The following GLIS3 variants were observed in gnomAD, a reference collection of about 807,000 sequenced individuals.
GLIS3 encodes the protein GLIS family zinc finger 3.
Under a neutral mutation model 78.6 loss-of-function variants are expected in GLIS3, and 53 were observed. The ratio of observed to expected loss-of-function variants is 0.67; its 90% confidence interval spans 0.54 to 0.85. The LOEUF (loss-of-function observed/expected upper bound fraction) is 0.85, where lower values mean the gene tolerates loss of function less well. Ranked by LOEUF, GLIS3 falls within the 40% of genes least tolerant of loss-of-function variation. GLIS3 has a pLI of 0.00. For missense variants in GLIS3, 1,703 were observed against 1,231.1 expected (o/e 1.38, Z -5.74); for synonymous variants, 684 against 509.9 (o/e 1.34, Z -4.60).
intron 6 of GLIS3, among the ~76,000 whole-genome samples, chr9:3,921,644 A>G (rs1417471469): frequency 6.6e-6 from 1 of 152,172 alleles, no homozygotes. Context: ...AAATATATCT[A>G]TAGTAAATTT....
intron 2 of GLIS3, among the ~76,000 whole-genome samples, chr9:4,336,838 G>C (rs1349086648): frequency 6.6e-6 from 1 of 152,122 alleles, no homozygotes; most frequent in Non-Finnish European, 1.5e-5. Context: ...CTGCTAAAAA[G>C]ATCTATGAAA....
intron 4 of GLIS3, among the ~76,000 whole-genome samples, chr9:3,987,784 A>AAAAAAAAAC (rs1554665966): frequency 4.3e-5 from 3 of 69,546 alleles, no homozygotes; most frequent in Admixed American, 1.9e-4. Context: ...AAAAAAAAAA[A>AAAAAAAAAC]AAAACAAAAC....
the GLIS3 span, among the ~76,000 whole-genome samples, chr9:4,487,687 A>G: frequency 7.6e-6 from 1 of 130,930 alleles, no homozygotes; most frequent in Non-Finnish European, 1.7e-5. Flanking sequence ...TATGGTCAAC[A>G]CTTTTTTTTT....
At chr9:4,315,158 T>C (rs1343758434) in intron 2 of GLIS3, among the ~76,000 whole-genome samples, 1 of 152,214 alleles carries the variant, frequency 6.6e-6, no homozygotes, top group Non-Finnish European at 1.5e-5. Context: ...TCTCAGTTAA[T>C]TTGGGAAGTG....
At chr9:4,330,864 T>G (rs1202939317) in intron 2 of GLIS3, among the ~76,000 whole-genome samples, 1 of 152,172 alleles carries the variant, frequency 6.6e-6, no homozygotes, top group Non-Finnish European at 1.5e-5. Flanking sequence ...AGGAGTGGGT[T>G]AAGCTGATTC....
intron 2 of GLIS3, among the ~76,000 whole-genome samples, chr9:4,185,429 CTT>C (rs1817698920): frequency 1.3e-5 from 2 of 152,076 alleles, no homozygotes; most frequent in Admixed American, 1.3e-4. Context: ...ACATGCATGT[CTT>C]TGTGTTGACG....
the GLIS3 span, among the ~76,000 whole-genome samples, chr9:4,392,600 G>C: frequency 1.3e-5 from 2 of 151,960 alleles, no homozygotes; most frequent in Non-Finnish European, 2.9e-5. Context: ...TTTTTCTTTT[G>C]TATCTGGTCC....
the GLIS3 span, among the ~76,000 whole-genome samples, chr9:4,415,012 T>C: frequency 2.0e-5 from 3 of 152,246 alleles, no homozygotes; most frequent in East Asian, 1.9e-4. Flanking sequence ...TTCTTTTTTT[T>C]CCTATTCCAA....
At chr9:4,112,451 G>T (rs1011997335) in intron 4 of GLIS3, among the ~76,000 whole-genome samples, 17 of 152,270 alleles carry the variant, frequency 1.1e-4, no homozygotes, top group Admixed American at 1.1e-3. Flanking sequence ...TAGCACTAAT[G>T]TTAGAACTGG....
chr9:4,484,310 T>G, the GLIS3 span, among the ~76,000 whole-genome samples: 1 of 148,854 alleles, frequency 6.7e-6, no homozygotes, highest in Admixed American at 6.7e-5. Flanking sequence ...TGGTCAAGAC[T>G]CACTGCAACC....
At chr9:4,191,272 C>G (rs1308711685) in intron 2 of GLIS3, among the ~76,000 whole-genome samples, 1 of 152,144 alleles carries the variant, frequency 6.6e-6, no homozygotes, top group African/African-American at 2.4e-5. Flanking sequence ...CATCAGTGTG[C>G]TGTATTTAGG....
chr9:4,456,637 T>A, the GLIS3 span, among the ~76,000 whole-genome samples: 2 of 152,222 alleles, frequency 1.3e-5, no homozygotes, highest in Admixed American at 1.3e-4. Flanking sequence ...CATGCCTTCC[T>A]CACTAGGATT....
intron 3 of GLIS3, among the ~76,000 whole-genome samples, chr9:4,120,778 G>A (rs929462186): frequency 6.6e-6 from 1 of 152,216 alleles, no homozygotes; most frequent in Non-Finnish European, 1.5e-5. Flanking sequence ...ACAATTGCCT[G>A]TCACTGTCAT....
At chr9:3,898,431 T>TA in intron 7 of GLIS3, 1 of 513,822 alleles carries the variant, frequency 1.9e-6, no homozygotes, top group East Asian at 3.7e-5. Flanking sequence ...CTGCGAGGGT[T>TA]GGGTACACTG....
intron 9 of GLIS3, among the ~76,000 whole-genome samples, chr9:3,846,704 C>T (rs1258428720): frequency 6.6e-6 from 1 of 152,172 alleles, no homozygotes; most frequent in Non-Finnish European, 1.5e-5. Context: ...CACAGGGCTG[C>T]CATGGCCCAG....
intron 2 of GLIS3, among the ~76,000 whole-genome samples, chr9:4,338,797 C>G (rs958127374): frequency 5.9e-5 from 9 of 152,138 alleles, no homozygotes; most frequent in African/African-American, 2.2e-4. Flanking sequence ...CCTAAGGAGC[C>G]TGGAAAAAGC....
chr9:4,400,767 C>T, the GLIS3 span, among the ~76,000 whole-genome samples: 1 of 152,302 alleles, frequency 6.6e-6, no homozygotes, highest in South Asian at 2.1e-4. Context: ...CATGAGGACC[C>T]TGCTCCAGGC....
intron 2 of GLIS3, among the ~76,000 whole-genome samples, chr9:4,195,938 G>A (rs934926340): frequency 6.6e-6 from 1 of 152,168 alleles, no homozygotes; most frequent in African/African-American, 2.4e-5. Flanking sequence ...TCTAGCTCAA[G>A]GTTTGTAAAT....
chr9:4,470,458 A>G, the GLIS3 span, among the ~76,000 whole-genome samples: 119 of 152,340 alleles, frequency 7.8e-4, no homozygotes, highest in Non-Finnish European at 1.5e-3. Flanking sequence ...ACATATGCAA[A>G]TCAATAAATG....
Sources: gnomAD v4.1 joint callset for allele counts (sites outside exome capture counted in the v4.1 genomes callset) on GRCh38, gnomAD v4.1.1 for gene constraint, MANE v1.5 for transcripts, NCBI Gene and HGNC (gene_info 2026-07-23, HGNC 2026-07-21) for gene names.